The following MAPKAP1 variants were observed in gnomAD, a reference collection of about 807,000 sequenced individuals.
MAPKAP1 encodes target of rapamycin complex 2 subunit MAPKAP1.
MAPKAP1 carries 20 observed loss-of-function variants against 65.7 expected under a neutral mutation model. That is an observed-to-expected ratio of 0.30 (90% CI 0.21 to 0.44). The LOEUF is 0.44. Among genes scored for constraint, MAPKAP1 ranks in the 20% least tolerant of loss-of-function variants. The pLI is 1.00. For synonymous variants in MAPKAP1, 222 were observed against 244.3 expected, an observed-to-expected ratio of 0.91 and a Z score of 0.85; for missense variants, 423 against 648.0, an observed-to-expected ratio of 0.65 and a Z score of 3.77.
intron 4 of MAPKAP1, among the ~76,000 whole-genome samples, chr9:125,646,531 G>A (rs1278234042): frequency 6.6e-6 from 1 of 152,140 alleles, no homozygotes; most frequent in East Asian, 1.9e-4. Context: ...TCAATAAAAT[G>A]GAGCTATGGT....
At chr9:125,566,121 G>T (rs1831044639) in intron 5 of MAPKAP1, among the ~76,000 whole-genome samples, 1 of 152,200 alleles carries the variant, frequency 6.6e-6, no homozygotes, top group African/African-American at 2.4e-5. Context: ...GAGAATTTCA[G>T]TCCAGATCTT....
chr9:125,579,508 G>A (rs760616413), intron 5 of MAPKAP1, among the ~76,000 whole-genome samples: 32 of 152,276 alleles, frequency 2.1e-4, no homozygotes, highest in Non-Finnish European at 3.5e-4. Flanking sequence ...GACCAGGCTG[G>A]TGTTGAACTT....
chr9:125,623,995 CCCCCGCCTGGCCAGCCG>C (rs1802526218), intron 4 of MAPKAP1, among the ~76,000 whole-genome samples: 1 of 36,462 alleles, frequency 2.7e-5, no homozygotes, highest in African/African-American at 6.2e-5. Flanking sequence ...GGGGGTCAGC[CCCCCGCCTGGCCAGCCG>C]CCCCGTCTGG....
At chr9:125,646,048 A>T (rs1047969338) in intron 4 of MAPKAP1, among the ~76,000 whole-genome samples, 1 of 152,166 alleles carries the variant, frequency 6.6e-6, no homozygotes, top group Non-Finnish European at 1.5e-5. Context: ...CTAACCAAAA[A>T]TGGGCTCCTC....
intron 1 of MAPKAP1, among the ~76,000 whole-genome samples, chr9:125,693,838 T>TACACACACACACAC (rs1197235568): frequency 6.0e-5 from 7 of 117,294 alleles, no homozygotes; most frequent in African/African-American, 1.5e-4. Flanking sequence ...CACATATATA[T>TACACACACACACAC]ACACACATAC....
At chr9:125,543,027 A>T in intron 7 of MAPKAP1, 32 bp downstream of exon 7, 1 of 1,396,320 alleles carries the variant, frequency 7.2e-7, no homozygotes, top group Non-Finnish European at 1.0e-6. Context: ...TTAAGCTTCT[A>T]CTACTGTGAG....
chr9:125,461,910 C>A (rs1455405348), intron 10 of MAPKAP1, among the ~76,000 whole-genome samples: 2 of 152,152 alleles, frequency 1.3e-5, no homozygotes, highest in Non-Finnish European at 1.5e-5. Context: ...ACCTACTGGG[C>A]CCTCAGTGCA....
At chr9:125,485,645 C>A in intron 8 of MAPKAP1, among the ~76,000 whole-genome samples, 1 of 152,224 alleles carries the variant, frequency 6.6e-6, no homozygotes, top group Non-Finnish European at 1.5e-5. Context: ...ACAACCCTCT[C>A]ATCCTCACCC....
chr9:125,535,739 T>C (rs1160855975), intron 7 of MAPKAP1, among the ~76,000 whole-genome samples: 1 of 152,196 alleles, frequency 6.6e-6, no homozygotes, highest in East Asian at 1.9e-4. Context: ...TTACAATCAA[T>C]ATGTACACGT....
At chr9:125,660,384 G>A (rs1554838702) in intron 3 of MAPKAP1, among the ~76,000 whole-genome samples, 2 of 152,082 alleles carry the variant, frequency 1.3e-5, no homozygotes, top group Non-Finnish European at 2.9e-5. Context: ...AAGTCACTGA[G>A]CTGTACATTT....
In MAPKAP1 at chr9:125,693,783, GTATA is replaced by G. The variant is rs748246969; in HGVS notation, c.-70+13184_-70+13187del. 3.9e-5 allele frequency among the ~76,000 whole-genome samples: 4 copies of G among 101,774 alleles called. No individual in the cohort carries two copies. In the East Asian group the frequency reaches 1.1e-3, roughly 28 times the overall value. The allele number at this position is 101,774 out of a possible 152,430, so 66.8% of individuals were successfully genotyped here. ...TACACGTATATACACATATATACAC[GTATA>G]TATATACACACATATATATACACAC... On this transcript the variant is annotated intron_variant, in intron 1 of 11. Coordinates refer to ENST00000265960, the MANE Select transcript of MAPKAP1 (RefSeq NM_001006617.3).
chr9:125,578,294 G>A (rs969849096), intron 5 of MAPKAP1, among the ~76,000 whole-genome samples: 1 of 151,868 alleles, frequency 6.6e-6, no homozygotes, highest in Non-Finnish European at 1.5e-5. Context: ...CAAACACTGC[G>A]GAAGGCCGCA....
At position 125,636,080 on chromosome 9, in the gene MAPKAP1, C is replaced by G. The variant is rs558148241; in HGVS notation, c.498+21571G>C. On this transcript the variant is annotated intron_variant, in intron 4 of 11. Coordinates refer to ENST00000265960, the MANE Select transcript of MAPKAP1 (RefSeq NM_001006617.3). ...GAAGTGCCTTCTCCTAAAGGACACA[C>G]GGCTCCAGGGCAGAGACCACATTCC... Among the ~76,000 whole-genome samples, 34 of 152,296 alleles carry G rather than the reference C, an allele frequency of 2.2e-4. 1 individual carries two copies. The South Asian group carries it at 7.0e-3, about 32-fold the overall frequency.
chr9:125,689,819 G>A (rs924298416), intron 1 of MAPKAP1, among the ~76,000 whole-genome samples: 1 of 152,010 alleles, frequency 6.6e-6, no homozygotes, highest in South Asian at 2.1e-4. Flanking sequence ...AGGCGCGGTG[G>A]CTCACGCCTG....
rs921735977 is a variant in MAPKAP1, at chr9:125,662,678, G to A, written c.350-4879C>T. Reference sequence around the variant, plus strand: ...AGCCTGGGCGACAGAGCAAGACTCCGTCTTAAAAAAAATAAAAATAAAAAT... The same window carrying A: ...AGCCTGGGCGACAGAGCAAGACTCCATCTTAAAAAAAATAAAAATAAAAAT... On this transcript the variant is annotated intron_variant, in intron 3 of 11. Coordinates refer to ENST00000265960, the MANE Select transcript of MAPKAP1 (RefSeq NM_001006617.3). 1.6e-4 allele frequency among the ~76,000 whole-genome samples: 24 copies of A among 151,508 alleles called. 1 individual carries two copies. The highest frequency in any genetic ancestry group is 6.2e-4 in the South Asian group (3 of 4,812).
rs756337854 is a variant in MAPKAP1, at chr9:125,506,306, G to A, written c.1066+4C>T. ...GCGGGCATGGAGCGAGGCGGCCAAC[G>A]TACTGTTCTCGCGGACCAGGCAGAA... is the stretch of plus-strand genomic sequence containing the variant. On this transcript the variant is annotated splice_donor_region_variant and intron_variant, in intron 8 of 11. Coordinates refer to ENST00000265960, the MANE Select transcript of MAPKAP1 (RefSeq NM_001006617.3). 8.1e-6 allele frequency: 13 copies of A among 1,612,920 alleles called. 1 individual carries two copies. The highest frequency in any genetic ancestry group is 7.7e-5 in the South Asian group (7 of 91,058).
intron 5 of MAPKAP1, among the ~76,000 whole-genome samples, chr9:125,583,962 CT>C (rs1831701953): frequency 6.6e-6 from 1 of 151,848 alleles, no homozygotes; most frequent in Non-Finnish European, 1.5e-5. Flanking sequence ...ACTCGGGAGG[CT>C]GAGGTAGGAG....
At chr9:125,686,175 C>T (rs1212152573) in intron 1 of MAPKAP1, among the ~76,000 whole-genome samples, 1 of 151,640 alleles carries the variant, frequency 6.6e-6, no homozygotes, top group Non-Finnish European at 1.5e-5. Flanking sequence ...ATAAAATTAG[C>T]CAGGTGTGGT....
At chr9:125,691,593 A>G (rs1035122694) in intron 1 of MAPKAP1, among the ~76,000 whole-genome samples, 4 of 152,192 alleles carry the variant, frequency 2.6e-5, no homozygotes, top group East Asian at 3.8e-4. Context: ...CCCAGGGAGA[A>G]TATGTAAGAA....
Sources: allele counts gnomAD v4.1 joint callset (sites outside exome capture counted in the v4.1 genomes callset), GRCh38; gene constraint gnomAD v4.1.1; transcripts MANE v1.5; gene names NCBI Gene and HGNC (gene_info 2026-07-23, HGNC 2026-07-21).